Variants in USP34 observed in about 807,000 individuals in gnomAD.
USP34 encodes the protein ubiquitin carboxyl-terminal hydrolase 34.
In USP34, 70 loss-of-function variants were observed where a neutral mutation model predicts 460.3. The ratio of observed to expected loss-of-function variants is 0.15; its 90% CI spans 0.13 to 0.19. The LOEUF (loss-of-function observed/expected upper bound fraction) is 0.19. Among genes scored for constraint, USP34 ranks in the 10% least tolerant of loss-of-function variants. The pLI is 1.00. For synonymous variants in USP34, 1,647 were observed against 1,405.3 expected, an observed-to-expected ratio of 1.17 and a Z score of -3.85; for missense variants, 3,985 against 4,236.2, an observed-to-expected ratio of 0.94 and a Z score of 1.65.
At chr2:61,274,931 T>A (rs1410491720) in intron 41 of USP34, among the ~76,000 whole-genome samples, 2 of 152,210 alleles carry the variant, frequency 1.3e-5, no homozygotes, top group Non-Finnish European at 2.9e-5. Flanking sequence ...AGAAATAGTT[T>A]AAGACAATGT....
chr2:61,283,189 G>T lies in USP34; in HGVS notation c.4954C>A (p.His1652Asn). 6.2e-7 allele frequency: 1 copy of T among 1,613,488 alleles called. No homozygotes were observed. Among genetic ancestry groups the T allele is most frequent in the South Asian group, 1.1e-5 (1 of 91,014 alleles). The change falls in exon 37 of 80, where the codon CAT becomes AAT. Residue 1652 changes from histidine (H) to asparagine (N), a missense_variant. Physicochemically the swap from His to Asn is moderately conservative, Grantham distance 68. Transcript: ENST00000398571. ...LVKSSLADSD[H>N]LQDWLKKLTL... ...AATTTCTTTAGCCAATCTTGTAAAT[G>T]ATCGCTATCAGCAAGGCTAGATTTC... is the stretch of plus-strand genomic sequence containing the variant.
chr2:61,394,781 A>G, intron 5 of USP34, 72 bp downstream of exon 5: 1 of 1,226,564 alleles, frequency 8.2e-7, no homozygotes, highest in Non-Finnish European at 1.1e-6. Context: ...TCCTTTTCAG[A>G]GCATAAAATT....
At chr2:61,334,089 C>A in intron 18 of USP34, 118 bp from the exon 19 acceptor site, 1 of 612,622 alleles carries the variant, frequency 1.6e-6, no homozygotes. Flanking sequence ...CATATTATTA[C>A]ACAAACATTA....
chr2:61,189,540 GC>G (rs1339104200), intron 78 of USP34: 3 of 153,158 alleles, frequency 2.0e-5, no homozygotes, highest in Non-Finnish European at 4.4e-5. Flanking sequence ...CTCCCAAAAT[GC>G]TTGGATTGCA....
intron 1 of USP34, among the ~76,000 whole-genome samples, chr2:61,422,242 C>A (rs992204712): frequency 2.6e-5 from 4 of 152,158 alleles, no homozygotes; most frequent in Non-Finnish European, 5.9e-5. Context: ...GATCACAGTA[C>A]GCCATGCCAG....
intron 27 of USP34, among the ~76,000 whole-genome samples, chr2:61,303,207 C>T (rs1690284312): frequency 6.6e-6 from 1 of 151,990 alleles, no homozygotes; most frequent in African/African-American, 2.4e-5. Context: ...GCTGGGACTA[C>T]AGGCGTGCAC....
At chr2:61,416,436 T>C (rs989955766) in intron 2 of USP34, among the ~76,000 whole-genome samples, 2 of 152,162 alleles carry the variant, frequency 1.3e-5, no homozygotes, top group Admixed American at 6.6e-5. Context: ...ATAGAAGAAA[T>C]TCCTGAAATA....
chr2:61,365,228 G>C (rs1349054119), intron 10 of USP34, among the ~76,000 whole-genome samples: 1 of 146,818 alleles, frequency 6.8e-6, no homozygotes, highest in East Asian at 2.0e-4. Flanking sequence ...CTCCAGCCTG[G>C]GCAACAGAGC....
chr2:61,465,743 C>T (rs966068490), intron 1 of USP34, among the ~76,000 whole-genome samples: 10 of 151,998 alleles, frequency 6.6e-5, no homozygotes, highest in African/African-American at 2.2e-4. Flanking sequence ...TTTGGGAGGC[C>T]GAGGCAGGTG....
intron 71 of USP34, 40 bp downstream of exon 71, chr2:61,206,712 TCTTTACTA>T: frequency 6.3e-7 from 1 of 1,597,698 alleles, no homozygotes; most frequent in East Asian, 2.2e-5. Context: ...ACCTTCTCTC[TCTTTACTA>T]GTAGCACGAA....
intron 75 of USP34, among the ~76,000 whole-genome samples, chr2:61,195,987 A>G (rs1368117559): frequency 6.8e-6 from 1 of 146,490 alleles, no homozygotes; most frequent in Non-Finnish European, 1.5e-5. Flanking sequence ...GCTCACTGCA[A>G]CCTCCGCCTC....
intron 15 of USP34, chr2:61,346,127 T>C (rs1251297631): frequency 6.6e-6 from 1 of 152,132 alleles, no homozygotes; most frequent in Non-Finnish European, 1.5e-5. Flanking sequence ...AGCACTCATA[T>C]CTTTTTTAGG....
chr2:61,363,155 G>C (rs557274202), intron 10 of USP34, among the ~76,000 whole-genome samples: 1 of 152,196 alleles, frequency 6.6e-6, no homozygotes, highest in East Asian at 1.9e-4. Flanking sequence ...ACCACAATGA[G>C]ATACAAATTC....
intron 2 of USP34, among the ~76,000 whole-genome samples, chr2:61,409,344 T>A (rs537278323): frequency 1.3e-5 from 2 of 152,048 alleles, no homozygotes; most frequent in South Asian, 4.1e-4. Context: ...AAAAATGGAA[T>A]CTGAAAACCC....
intron 8 of USP34, among the ~76,000 whole-genome samples, chr2:61,372,890 C>T (rs192469964): frequency 2.6e-4 from 39 of 152,202 alleles, no homozygotes; most frequent in Non-Finnish European, 5.4e-4. Context: ...TGATGAAACA[C>T]ATTCATCTAC....
Position 61,282,555 on chromosome 2 carries a change from G to A in USP34, c.4998+590C>T, listed in dbSNP as rs565617928. On this transcript the variant is annotated intron_variant, in intron 37 of 79. Coordinates refer to ENST00000398571, the MANE Select transcript of USP34 (RefSeq NM_014709.4). ...ATAATCCCAAGCAGTTTGGGAGGCC[G>A]AGGCAGGAGCATTACATGACACCAG... 1.2e-4 allele frequency among the ~76,000 whole-genome samples: 18 copies of A among 152,238 alleles called. 1 individual carries two copies. The South Asian group carries it at 2.1e-3, about 18-fold the overall frequency.
chr2:61,435,406 A>AGAATCC (rs1453944503), intron 1 of USP34, among the ~76,000 whole-genome samples: 1 of 151,088 alleles, frequency 6.6e-6, no homozygotes, highest in Non-Finnish European at 1.5e-5. Context: ...ATTTCTCAGC[A>AGAATCC]GAATCCTTAC....
At chr2:61,309,065 A>C (rs1279390201) in intron 27 of USP34, among the ~76,000 whole-genome samples, 10 of 151,642 alleles carry the variant, frequency 6.6e-5, no homozygotes, top group African/African-American at 1.7e-4. Flanking sequence ...ACAACAACAA[A>C]AGATACACTG....
chr2:61,418,633 C>T (rs1694269323), intron 2 of USP34, among the ~76,000 whole-genome samples: 2 of 152,158 alleles, frequency 1.3e-5, no homozygotes, highest in South Asian at 4.1e-4. Context: ...TGTTTATCCG[C>T]TAATTAGAAC....
Sources: gnomAD v4.1 joint callset for allele counts (sites outside exome capture counted in the v4.1 genomes callset) on GRCh38, gnomAD v4.1.1 for gene constraint, MANE v1.5 for transcripts, NCBI Gene and HGNC (gene_info 2026-07-23, HGNC 2026-07-21) for gene names.